Variants in NFAT5 observed in about 807,000 individuals in gnomAD.
NFAT5 encodes nuclear factor of activated T-cells 5.
A neutral mutation model predicts 166.5 loss-of-function variants in NFAT5; 31 were observed. That is an observed-to-expected ratio of 0.19 (90% CI 0.14 to 0.25). The LOEUF (loss-of-function observed/expected upper bound fraction) is 0.25, where lower values mean the gene tolerates loss of function less well. Among genes scored for constraint, NFAT5 ranks in the 10% least tolerant of loss-of-function variants. The pLI, the probability that NFAT5 is intolerant of heterozygous loss-of-function variation, is 1.00. For synonymous variants in NFAT5, 612 were observed against 639.7 expected (o/e 0.96, Z 0.65); for missense variants, 1,449 against 1,821.8 (o/e 0.80, Z 3.72).
chr16:69,635,364 T>A (rs943096006), intron 3 of NFAT5, among the ~76,000 whole-genome samples: 2 of 152,216 alleles, frequency 1.3e-5, no homozygotes, highest in Non-Finnish European at 2.9e-5. Context: ...TTTTGAACTT[T>A]ATTTTTACTT....
intron 2 of NFAT5, among the ~76,000 whole-genome samples, chr16:69,607,296 A>T (rs556098759): frequency 1.3e-5 from 2 of 152,250 alleles, no homozygotes; most frequent in African/African-American, 4.8e-5. Context: ...CAATATTGGT[A>T]TACTGACACA....
rs184836583 is a variant in NFAT5, at chr16:69,624,598, T to G, written c.128-1805T>G. ...GTACAACTTCTAATTTTAGCTTTCT[T>G]TCATGACCTTCCTCCTTATCCCTAT... On this transcript the variant is annotated intron_variant, in intron 2 of 14. Coordinates refer to ENST00000349945, the MANE Select transcript of NFAT5 (RefSeq NM_138713.4). Among the ~76,000 whole-genome samples, 25 of 152,326 alleles carry G rather than the reference T, an allele frequency of 1.6e-4. No individual in the cohort carries two copies. In the East Asian group the frequency reaches 4.0e-3, roughly 25 times the overall value.
intron 2 of NFAT5, among the ~76,000 whole-genome samples, chr16:69,619,544 A>G (rs567146578): frequency 2.2e-4 from 34 of 152,202 alleles, no homozygotes; most frequent in South Asian, 6.2e-4. Flanking sequence ...ACCTCATAGG[A>G]TTGATTGTTT....
At chr16:69,604,566 G>A (rs573319699) in intron 2 of NFAT5, among the ~76,000 whole-genome samples, 27 of 152,234 alleles carry the variant, frequency 1.8e-4, no homozygotes, top group Admixed American at 1.7e-3. Flanking sequence ...GTGTCCATGA[G>A]TAGGAGTTCT....
At chr16:69,669,053 C>A (rs2036519453) in intron 7 of NFAT5, among the ~76,000 whole-genome samples, 1 of 152,084 alleles carries the variant, frequency 6.6e-6, no homozygotes. Context: ...TACTACCACG[C>A]CCAGCTAATT....
intron 3 of NFAT5, among the ~76,000 whole-genome samples, chr16:69,630,239 G>T (rs898299597): frequency 6.6e-6 from 1 of 152,064 alleles, no homozygotes; most frequent in Non-Finnish European, 1.5e-5. Context: ...CTTCTCCAGG[G>T]ATGGTCTCGA....
chr16:69,617,190 C>T (rs2033993191), intron 2 of NFAT5, among the ~76,000 whole-genome samples: 1 of 152,102 alleles, frequency 6.6e-6, no homozygotes, highest in Admixed American at 6.5e-5. Context: ...GATCCGCCCG[C>T]CTCGGCCTCC....
intron 6 of NFAT5, among the ~76,000 whole-genome samples, chr16:69,658,752 A>T (rs770346145): frequency 6.6e-6 from 1 of 151,882 alleles, no homozygotes; most frequent in Non-Finnish European, 1.5e-5. Context: ...ACCTGAACCC[A>T]GGAGGGAGAG....
intron 2 of NFAT5, among the ~76,000 whole-genome samples, chr16:69,575,630 TAATA>T (rs2016704255): frequency 6.6e-6 from 1 of 150,834 alleles, no homozygotes; most frequent in South Asian, 2.1e-4. Context: ...AAAATAATAA[TAATA>T]AAATAAATAA....
At chr16:69,641,620 A>G (rs906397248) in intron 3 of NFAT5, among the ~76,000 whole-genome samples, 2 of 152,168 alleles carry the variant, frequency 1.3e-5, no homozygotes, top group Non-Finnish European at 2.9e-5. Flanking sequence ...AAAGCTTTCT[A>G]TTAAAAGTTT....
intron 2 of NFAT5, among the ~76,000 whole-genome samples, chr16:69,602,555 C>G (rs2033186623): frequency 6.6e-6 from 1 of 151,246 alleles, no homozygotes; most frequent in Admixed American, 6.6e-5. Context: ...GTATGAGCCA[C>G]CGTGCCCAGA....
At chr16:69,632,277 A>G (rs1290750172) in intron 3 of NFAT5, 1 of 152,196 alleles carries the variant, frequency 6.6e-6, no homozygotes, top group Non-Finnish European at 1.5e-5. Context: ...TTAAGTTCCT[A>G]CTATGTGACA....
chr16:69,675,866 C>T (rs138080131), intron 9 of NFAT5, among the ~76,000 whole-genome samples: 6,720 of 152,266 alleles, frequency 0.044, 503 homozygotes, highest in African/African-American at 0.15. Context: ...TTCTCAAGCT[C>T]CTGACCTCAG....
At chr16:69,650,248 C>T (rs2151627113) in intron 4 of NFAT5, among the ~76,000 whole-genome samples, 1 of 152,060 alleles carries the variant, frequency 6.6e-6, no homozygotes, top group South Asian at 2.1e-4. Context: ...TTTTGGTTGT[C>T]ATTTAGAAGT....
chr16:69,592,887 C>T (rs572650154), intron 2 of NFAT5, among the ~76,000 whole-genome samples: 16 of 152,250 alleles, frequency 1.1e-4, no homozygotes, highest in African/African-American at 3.6e-4. Context: ...AAGTTGAGCA[C>T]AGAGGCATGG....
At position 69,655,569 on chromosome 16, in the gene NFAT5, A is replaced by G. The variant is rs199959871; in HGVS notation, c.1006-40A>G. ...TGATTTTATAATTAGATTATTTGAA[A>G]TACTAATTAGTGTTTCTGTTGCATG... On this transcript the variant is annotated intron_variant, in intron 5 of 14. Coordinates refer to ENST00000349945, the MANE Select transcript of NFAT5 (RefSeq NM_138713.4). 1.3e-4 allele frequency: 185 copies of G among 1,409,746 alleles called. 1 individual carries two copies. In the African/African-American group the frequency reaches 1.8e-3, roughly 13 times the overall value. 87.3% of individuals were successfully genotyped at this position (1,409,746 alleles called of 1,614,324 possible).
chr16:69,694,358 G>A (rs1239110229), intron 13 of NFAT5, 119 bp downstream of exon 13: 3 of 748,248 alleles, frequency 4.0e-6, no homozygotes, highest in Non-Finnish European at 6.4e-6. Flanking sequence ...AGGTTCAGGT[G>A]ATTCTCCTGC....
rs2037635665 is a variant in NFAT5, at chr16:69,693,428, A to T, written c.3603A>T (p.Gln1201His). 6.2e-7 allele frequency: 1 copy of T among 1,614,054 alleles called. No homozygotes were observed. The highest frequency in any genetic ancestry group is 1.7e-5 in the Admixed American group (1 of 60,000). ...ACAGTGAACAACAAGCTGCTTTCCA[A>T]CAGCAAGCTCCAATATCACACATCC... ...TSNSEQQAAF[Q>H]QQAPISHIQT... The change falls in exon 13 of 15, where the codon CAA becomes CAT. Residue 1201 changes from glutamine (Q) to histidine (H), a missense_variant. This residue lies in a region of NFAT5 where 891 missense variants were observed against 993.0 expected (regional missense o/e 0.90). Transcript: ENST00000349945.
At chr16:69,632,452 G>T (rs2034762327) in intron 3 of NFAT5, 1 of 152,054 alleles carries the variant, frequency 6.6e-6, no homozygotes, top group Admixed American at 6.6e-5. Context: ...TCCTTAACTA[G>T]GCAATGTATA....
Sources: gnomAD v4.1 joint callset for allele counts (sites outside exome capture counted in the v4.1 genomes callset) on GRCh38, gnomAD v4.1.1 for gene constraint, gnomAD v4.1.1 regional missense constraint, MANE v1.5 for transcripts, NCBI Gene and HGNC (gene_info 2026-07-23, HGNC 2026-07-21) for gene names.